EYS: variants seen among roughly 807,000 people sequenced by gnomAD.
The protein encoded by EYS is EGF-like photoreceptor maintenance factor.
In EYS, 250 loss-of-function variants were observed where a neutral mutation model predicts 282.1. The observed-to-expected ratio is 0.89, with a 90% CI of 0.80 to 0.98. EYS has a LOEUF of 0.98. Ranked by LOEUF, EYS falls within the 50% of genes least tolerant of loss-of-function variation. The probability of loss-of-function intolerance (pLI) is 0.00; values close to 1 mark genes in which losing one functional copy is unlikely to be tolerated. For missense variants in EYS, 4,016 were observed against 3,709.0 expected (o/e 1.08, Z -2.15); for synonymous variants, 1,355 against 1,282.9 (o/e 1.06, Z -1.20).
At chr6:64,772,493 T>C (rs1230626315) in intron 22 of EYS, among the ~76,000 whole-genome samples, 2 of 151,838 alleles carry the variant, frequency 1.3e-5, no homozygotes, top group African/African-American at 4.8e-5. Flanking sequence ...ATTTATCCTT[T>C]CTTTGTGTTA....
intron 22 of EYS, among the ~76,000 whole-genome samples, chr6:64,728,259 C>T (rs1771828609): frequency 1.3e-5 from 2 of 150,194 alleles, no homozygotes; most frequent in South Asian, 4.2e-4. Flanking sequence ...TTGTTTTAAA[C>T]CTGTGTAAAA....
At chr6:63,868,374 C>T (rs1159311702) in intron 35 of EYS, among the ~76,000 whole-genome samples, 1 of 151,854 alleles carries the variant, frequency 6.6e-6, no homozygotes, top group South Asian at 2.1e-4. Flanking sequence ...AAAAGGGTGC[C>T]CACTACTTAT....
At chr6:64,681,429 G>A (rs937773999) in intron 22 of EYS, among the ~76,000 whole-genome samples, 24 of 152,100 alleles carry the variant, frequency 1.6e-4, no homozygotes, top group African/African-American at 4.8e-4. Context: ...GATGAGGGGG[G>A]AAAATACTAG....
chr6:63,790,716 C>T (rs1267165042), intron 37 of EYS, among the ~76,000 whole-genome samples: 1 of 152,172 alleles, frequency 6.6e-6, no homozygotes, highest in Non-Finnish European at 1.5e-5. Flanking sequence ...GATAGTCTTT[C>T]AGGCAGCTGT....
chr6:65,055,819 A>G (rs1172405833), intron 13 of EYS, among the ~76,000 whole-genome samples: 2 of 152,042 alleles, frequency 1.3e-5, no homozygotes. Context: ...TAGGTTATTA[A>G]CACGGCTGTG....
In EYS at chr6:64,040,764, T is replaced by A. The variant is rs1208451247; in HGVS notation, c.6725+25574A>T. ...CAAAGTTGAGTAGTTCAACATAGAT[T>A]GTATGGCCTGCAAAGGCTAAAATAT... On this transcript the variant is annotated intron_variant, in intron 33 of 42. Transcript: ENST00000503581. 3.9e-5 allele frequency among the ~76,000 whole-genome samples: 6 copies of A among 152,314 alleles called. No individual in the cohort carries two copies. The South Asian group carries it at 6.2e-4, about 16-fold the overall frequency.
At chr6:65,369,267 A>G (rs1003585309) in intron 8 of EYS, among the ~76,000 whole-genome samples, 5 of 140,896 alleles carry the variant, frequency 3.5e-5, no homozygotes, top group South Asian at 4.5e-4. Context: ...GTGTGTGTGT[A>G]TATATATATT....
intron 29 of EYS, among the ~76,000 whole-genome samples, chr6:64,340,277 AAAAAAATGAAGCC>A (rs1397160197): frequency 6.6e-6 from 1 of 151,780 alleles, no homozygotes; most frequent in Admixed American, 6.6e-5. Flanking sequence ...AATTCTAAGC[AAAAAAATGAAGCC>A]AGAGGCATCA....
chr6:65,353,365 A>G (rs1764357865), intron 9 of EYS, 93 bp downstream of exon 9: 1 of 1,072,952 alleles, frequency 9.3e-7, no homozygotes, highest in East Asian at 2.5e-5. Flanking sequence ...GTTTTGAGAT[A>G]TAAAATACTT....
chr6:64,933,285 G>T (rs866351200), intron 15 of EYS, among the ~76,000 whole-genome samples: 30 of 151,680 alleles, frequency 2.0e-4, no homozygotes, highest in African/African-American at 6.5e-4. Flanking sequence ...AAAAACAAAT[G>T]TAAAAGAGAA....
chr6:63,873,459 A>G (rs1405229816), intron 35 of EYS, among the ~76,000 whole-genome samples: 1 of 152,186 alleles, frequency 6.6e-6, no homozygotes. Context: ...GCTGAAATAA[A>G]CATACATGTG....
chr6:65,141,420 C>T lies in EYS; in HGVS notation c.2024-83693G>A, dbSNP rs1764337091. 4.0e-5 allele frequency among the ~76,000 whole-genome samples: 6 copies of T among 151,850 alleles called. No individual in the cohort carries two copies. In the South Asian group the frequency reaches 1.3e-3, roughly 32 times the overall value. On this transcript the variant is annotated intron_variant, in intron 12 of 42. Transcript: ENST00000503581. Reference sequence around the variant, plus strand: ...TGACGAGTTAATGGGTGCAGCACACCAGCGTGGCACATGTATACATATGTA... The same window carrying T: ...TGACGAGTTAATGGGTGCAGCACACTAGCGTGGCACATGTATACATATGTA...
rs34304600 is a variant in EYS at position 65,609,336 on chromosome 6, C to CAAAA, written c.-333+30438_-333+30441dup. Among the ~76,000 whole-genome samples, 933 of 143,060 alleles carry CAAAA rather than the reference C, an allele frequency of 6.5e-3. 7 individuals carry two copies. The highest frequency in any genetic ancestry group is 0.018 in the African/African-American group (706 of 39,048). 93.9% of individuals were successfully genotyped at this position (143,060 alleles called of 152,430 possible). On this transcript the variant is annotated intron_variant, in intron 2 of 42. Transcript: ENST00000503581. ...TACAACTGTACGTATCCAAGATAGC[C>CAAAA]AAAAAAAAAAAAAATCTAATACTAA...
intron 5 of EYS, among the ~76,000 whole-genome samples, chr6:65,424,661 A>G (rs537559600): frequency 6.6e-6 from 1 of 152,146 alleles, no homozygotes; most frequent in Non-Finnish European, 1.5e-5. Context: ...AAGTTTATAA[A>G]TGCTTTGGTA....
At chr6:64,919,405 G>A (rs1156647869) in intron 15 of EYS, among the ~76,000 whole-genome samples, 1 of 123,700 alleles carries the variant, frequency 8.1e-6, no homozygotes, top group Admixed American at 9.3e-5. Flanking sequence ...CCTTTTTTAT[G>A]TTTTTCTTTT....
intron 22 of EYS, among the ~76,000 whole-genome samples, chr6:64,779,960 T>C (rs1773807873): frequency 6.6e-6 from 1 of 152,194 alleles, no homozygotes; most frequent in African/African-American, 2.4e-5. Flanking sequence ...TAAATGATGC[T>C]CTCTAGATTT....
At chr6:65,499,610 A>G (rs1766377550) in intron 2 of EYS, among the ~76,000 whole-genome samples, 1 of 152,048 alleles carries the variant, frequency 6.6e-6, no homozygotes, top group Non-Finnish European at 1.5e-5. Context: ...TAACAGATAC[A>G]AAAGTTCTCA....
chr6:64,519,984 A>T (rs1562038711), intron 26 of EYS, among the ~76,000 whole-genome samples: 1 of 151,808 alleles, frequency 6.6e-6, no homozygotes, highest in African/African-American at 2.4e-5. Flanking sequence ...TTAGCAAGAA[A>T]CCGTACTTCT....
At chr6:65,379,868 T>C (rs1765541898) in intron 8 of EYS, among the ~76,000 whole-genome samples, 1 of 151,682 alleles carries the variant, frequency 6.6e-6, no homozygotes, top group African/African-American at 2.4e-5. Context: ...CCATTGAGAA[T>C]TGCTACAAAG....
Sources: gnomAD v4.1 joint callset for allele counts (sites outside exome capture counted in the v4.1 genomes callset) on GRCh38, gnomAD v4.1.1 for gene constraint, MANE v1.5 for transcripts, NCBI Gene and HGNC (gene_info 2026-07-23, HGNC 2026-07-21) for gene names.